CDC14B: variants seen among roughly 807,000 people sequenced by gnomAD.
The protein encoded by CDC14B is cell division cycle 14B.
In CDC14B, 22 loss-of-function variants were observed where a neutral mutation model predicts 64.2. The observed-to-expected ratio is 0.34, with a 90% CI of 0.24 to 0.49. The LOEUF (loss-of-function observed/expected upper bound fraction) is 0.49. CDC14B is among the 20% of genes least tolerant of loss of function. CDC14B has a pLI of 0.99. For synonymous variants in CDC14B, 191 were observed against 215.8 expected, an observed-to-expected ratio of 0.89 and a Z score of 1.01; for missense variants, 498 against 629.9, an observed-to-expected ratio of 0.79 and a Z score of 2.24.
chr9:96,584,492 C>T (rs1449121119), intron 1 of CDC14B, among the ~76,000 whole-genome samples: 1 of 150,876 alleles, frequency 6.6e-6, no homozygotes, highest in East Asian at 1.9e-4. Context: ...AGGAAGAAAG[C>T]ATTCACTTTC....
intron 5 of CDC14B, among the ~76,000 whole-genome samples, chr9:96,545,423 T>C (rs917397882): frequency 6.6e-6 from 1 of 151,236 alleles, no homozygotes; most frequent in African/African-American, 2.4e-5. Flanking sequence ...GTTCACAACA[T>C]TCTCCTGCCT....
intron 12 of CDC14B, among the ~76,000 whole-genome samples, chr9:96,521,946 C>T (rs1477484483): frequency 6.6e-6 from 1 of 152,208 alleles, no homozygotes; most frequent in East Asian, 1.9e-4. Context: ...AACACACATT[C>T]ACAAGAATGT....
At chr9:96,544,602 C>T (rs972986198) in intron 5 of CDC14B, among the ~76,000 whole-genome samples, 1 of 152,074 alleles carries the variant, frequency 6.6e-6, no homozygotes, top group African/African-American at 2.4e-5. Context: ...TAAAGCGATC[C>T]TCCCACCTCA....
chr9:96,612,518 A>C (rs1847386110), intron 1 of CDC14B, among the ~76,000 whole-genome samples: 1 of 152,124 alleles, frequency 6.6e-6, no homozygotes, highest in Non-Finnish European at 1.5e-5. Flanking sequence ...GGTTACTAAT[A>C]ATCTGTCTGT....
At chr9:96,556,812 A>C (rs7040128) in intron 4 of CDC14B, among the ~76,000 whole-genome samples, 7,917 of 152,160 alleles carry the variant, frequency 0.052, 692 homozygotes, top group African/African-American at 0.18. Context: ...AGGAAAAAAA[A>C]CCCACAACTA....
At chr9:96,578,040 C>T (rs1379934564) in intron 1 of CDC14B, among the ~76,000 whole-genome samples, 1 of 152,056 alleles carries the variant, frequency 6.6e-6, no homozygotes, top group African/African-American at 2.4e-5. Flanking sequence ...GATTTGAAAA[C>T]CAAATTTACA....
chr9:96,556,257 G>A (rs896674936), intron 4 of CDC14B, among the ~76,000 whole-genome samples: 2 of 152,050 alleles, frequency 1.3e-5, no homozygotes, highest in Non-Finnish European at 2.9e-5. Flanking sequence ...ATGTCACAAT[G>A]TTTCCAGCAC....
At chr9:96,496,138 C>T (rs374215440), downstream of CDC14B, 9 of 371,618 alleles carry the variant, frequency 2.4e-5, no homozygotes, top group East Asian at 1.5e-4. Context: ...CCAGTCAGGC[C>T]GAGGCCCACC....
chr9:96,610,254 G>C (rs925755492), intron 1 of CDC14B, among the ~76,000 whole-genome samples: 11 of 152,066 alleles, frequency 7.2e-5, no homozygotes, highest in African/African-American at 2.7e-4. Context: ...GTGGAGTGAA[G>C]TGGCGCAATC....
At chr9:96,517,322 A>T (rs1835838894) in intron 12 of CDC14B, among the ~76,000 whole-genome samples, 1 of 150,856 alleles carries the variant, frequency 6.6e-6, no homozygotes, top group African/African-American at 2.4e-5. Context: ...AGCCTGGCCG[A>T]CAGAGCGAGA....
chr9:96,530,236 AT>A (rs1468873289), intron 9 of CDC14B, among the ~76,000 whole-genome samples: 2 of 150,138 alleles, frequency 1.3e-5, no homozygotes, highest in Non-Finnish European at 3.0e-5. Flanking sequence ...TGCTGAACTC[AT>A]TTATTAATTC....
intron 12 of CDC14B, among the ~76,000 whole-genome samples, chr9:96,512,326 C>CTT (rs776677638): frequency 2.8e-4 from 37 of 132,088 alleles, no homozygotes; most frequent in Admixed American, 7.7e-4. Flanking sequence ...AATTTTTTTT[C>CTT]TTTTTTTTTT....
chr9:96,496,522 G>T (rs1185095892), downstream of CDC14B, among the ~76,000 whole-genome samples: 1 of 152,242 alleles, frequency 6.6e-6, no homozygotes, highest in Non-Finnish European at 1.5e-5. Context: ...ACGGCCGTCA[G>T]CCGTTACCCT....
At chr9:96,523,125 AG>A (rs1257235844) in intron 11 of CDC14B, 135 bp downstream of exon 11, 1 of 922,094 alleles carries the variant, frequency 1.1e-6, no homozygotes, top group Non-Finnish European at 1.7e-6. Context: ...GTGCCTAGAG[AG>A]GGTTATAAAT....
chr9:96,523,750 A>T, intron 9 of CDC14B, 25 bp from the exon 10 acceptor site: 1 of 1,605,748 alleles, frequency 6.2e-7, no homozygotes, highest in East Asian at 2.2e-5. Flanking sequence ...AAGCACAGAA[A>T]TGAAACTTGG....
At chr9:96,528,772 T>C (rs189583785) in intron 9 of CDC14B, among the ~76,000 whole-genome samples, 28 of 152,346 alleles carry the variant, frequency 1.8e-4, no homozygotes, top group Admixed American at 1.6e-3. Context: ...CTGGTGGTGA[T>C]GTTTTTGTTC....
In CDC14B at chr9:96,566,778, C is replaced by G. The variant is rs576261792; in HGVS notation, c.161-1295G>C. 1.9e-6 allele frequency: 3 copies of G among 1,608,024 alleles called. No individual in the cohort carries two copies. The East Asian group carries it at 6.7e-5, about 36-fold the overall frequency. ...GCCCTCCCGGCTCACCTTTGATCAC[C>G]TCGGCTACCAAAGCTGCCCCCGCGC... On this transcript the variant is annotated intron_variant, in intron 1 of 13. Coordinates refer to ENST00000375241, the MANE Select transcript of CDC14B (RefSeq NM_033331.4).
intron 1 of CDC14B, among the ~76,000 whole-genome samples, chr9:96,597,899 T>C (rs1588053463): frequency 6.6e-6 from 1 of 152,176 alleles, no homozygotes; most frequent in Non-Finnish European, 1.5e-5. Flanking sequence ...ATAAGGACAA[T>C]AGCATAAAGG....
At chr9:96,506,460 G>A (rs1834141968) in intron 13 of CDC14B, among the ~76,000 whole-genome samples, 1 of 152,158 alleles carries the variant, frequency 6.6e-6, no homozygotes, top group Admixed American at 6.5e-5. Flanking sequence ...AACAGGTAGG[G>A]TGATGTGAAC....
Sources: allele counts gnomAD v4.1 joint callset (sites outside exome capture counted in the v4.1 genomes callset), GRCh38; gene constraint gnomAD v4.1.1; transcripts MANE v1.5; gene names NCBI Gene and HGNC (gene_info 2026-07-23, HGNC 2026-07-21).